The following RIPK2 variants were observed in gnomAD, a reference collection of about 807,000 sequenced individuals.
RIPK2 encodes receptor interacting serine/threonine kinase 2.
A neutral mutation model predicts 60.9 loss-of-function variants in RIPK2; 38 were observed. The ratio of observed to expected loss-of-function variants is 0.62; its 90% CI spans 0.48 to 0.82. The LOEUF is 0.82. RIPK2 is among the 40% of genes least tolerant of loss of function. RIPK2 has a pLI of 0.00. For missense variants in RIPK2, 518 were observed against 647.0 expected (o/e 0.80, Z 2.16); for synonymous variants, 225 against 223.4 (o/e 1.01, Z -0.06).
chr8:89,777,580 AGT>A (rs35518918), intron 6 of RIPK2, among the ~76,000 whole-genome samples: 1 of 151,214 alleles, frequency 6.6e-6, no homozygotes, highest in African/African-American at 2.4e-5. Flanking sequence ...GTACAGTGTG[AGT>A]GTGTGTGTGT....
chr8:89,784,710 A>G (rs1222902974), intron 8 of RIPK2, among the ~76,000 whole-genome samples: 1 of 152,234 alleles, frequency 6.6e-6, no homozygotes, highest in Non-Finnish European at 1.5e-5. Context: ...CCACAAGTGG[A>G]AAATTCCACA....
Position 89,757,943 on chromosome 8 carries a change from A to G in RIPK2, c.-118A>G. 1 of 1,407,330 alleles carries G rather than the reference A, an allele frequency of 7.1e-7. No homozygotes were observed. Among genetic ancestry groups the G allele is most frequent in the East Asian group, 2.7e-5 (1 of 36,632 alleles). The allele number at this position is 1,407,330 out of a possible 1,614,324, so 87.2% of individuals were successfully genotyped here. A position where few individuals can be genotyped will look rare whatever the true frequency, so the allele number is the denominator to read the frequency against. ...CGTGACCTAGTGTTGCGGGGCAAAA[A>G]GGGTCTTGCCGGCCTCGCTCGTGCA... is the stretch of plus-strand genomic sequence containing the variant. On this transcript the variant is annotated 5_prime_UTR_variant, in exon 1 of 11. Transcript: ENST00000220751.
At chr8:89,758,839 T>C (rs1048797639) in intron 1 of RIPK2, among the ~76,000 whole-genome samples, 10 of 152,228 alleles carry the variant, frequency 6.6e-5, no homozygotes, top group Non-Finnish European at 1.5e-4. Flanking sequence ...ATTTTTGATA[T>C]CTTGGGTTAA....
In RIPK2 at chr8:89,789,606, TA is replaced by T. The variant is rs1809642622; in HGVS notation, c.1285+126del. ...TCAATATGATAAATACATACCTTCT[TA>T]AGTAGGAAAACAAATCCCAGGAGAT... On this transcript the variant is annotated intron_variant, in intron 10 of 10. Coordinates refer to ENST00000220751, the MANE Select transcript of RIPK2 (RefSeq NM_003821.6). 10 of 883,946 alleles carry T rather than the reference TA, an allele frequency of 1.1e-5. No individual in the cohort carries two copies. The South Asian group carries it at 1.9e-4, about 17-fold the overall frequency. The allele number at this position is 883,946 out of a possible 1,614,324, so 54.8% of individuals were successfully genotyped here. A position where few individuals can be genotyped will look rare whatever the true frequency, so the allele number is the denominator to read the frequency against.
intron 3 of RIPK2, 97 bp from the exon 4 acceptor site, chr8:89,769,675 G>T: frequency 1.4e-6 from 1 of 736,536 alleles, no homozygotes; most frequent in Non-Finnish European, 2.1e-6. Context: ...ATTTTCTCTG[G>T]TTTGATATCT....
chr8:89,783,153 G>A (rs532592343), intron 7 of RIPK2, among the ~76,000 whole-genome samples: 1 of 152,298 alleles, frequency 6.6e-6, no homozygotes, highest in South Asian at 2.1e-4. Flanking sequence ...ATGGATGGCT[G>A]GGTGTGAATT....
Position 89,784,081 on chromosome 8 carries a change from G to A in RIPK2, c.971G>A (p.Cys324Tyr). Residue 324 changes from cysteine to tyrosine, a missense_variant, in exon 8 of 11, where the codon TGT becomes TAT. Cys to Tyr is a radical substitution (Grantham distance 194, BLOSUM62 -2). Around this residue, in one of 3 missense-constraint regions of RIPK2, gnomAD observed 448 missense variants for 534.7 expected, o/e 0.84. Coordinates refer to ENST00000220751, the MANE Select transcript of RIPK2 (RefSeq NM_003821.6). Reference protein sequence around the residue: ...LQSVSSAIHLCDKKKMELSLN... With the variant: ...LQSVSSAIHLYDKKKMELSLN... ...AGTGTTTCAAGTGCCATTCACCTAT[G>A]TGACAAGAAGAAAATGGAATTATCT... The A allele has an allele frequency of 6.5e-7, 1 of 1,535,252 alleles. No individual in the cohort carries two copies. The highest frequency in any genetic ancestry group is 8.8e-7 in the Non-Finnish European group (1 of 1,137,208).
chr8:89,786,368 G>A (rs1809587009), intron 8 of RIPK2, among the ~76,000 whole-genome samples: 1 of 151,926 alleles, frequency 6.6e-6, no homozygotes, highest in Non-Finnish European at 1.5e-5. Flanking sequence ...CAGCTATTAA[G>A]GAGGCTGAGA....
rs1046291160 is a variant in RIPK2 at position 89,781,467 on chromosome 8, A to C, written c.939+1307A>C. 6.6e-5 allele frequency among the ~76,000 whole-genome samples: 10 copies of C among 151,890 alleles called. No homozygotes were observed. The South Asian group carries it at 2.1e-3, about 32-fold the overall frequency. On this transcript the variant is annotated intron_variant, in intron 7 of 10. Transcript: ENST00000220751. ...CTGCAACCTCGAAGTGCTGGGCTCA[A>C]GCAGTCCTCCCACCTCAGCATCTCC... is the stretch of plus-strand genomic sequence containing the variant.
chr8:89,784,013 C>A, intron 7 of RIPK2, 37 bp from the exon 8 acceptor site: 1 of 1,079,932 alleles, frequency 9.3e-7, no homozygotes. Context: ...TAATCATCTC[C>A]AGTTAAAGTG....
chr8:89,776,176 A>G (rs1217464841), intron 6 of RIPK2, among the ~76,000 whole-genome samples: 1 of 152,174 alleles, frequency 6.6e-6, no homozygotes, highest in Non-Finnish European at 1.5e-5. Context: ...GTTTTTCTCC[A>G]AGTTTAATAA....
rs903589548 is a variant in RIPK2 at position 89,757,919 on chromosome 8, G to A, written c.-142G>A. 3 of 1,389,974 alleles carry A rather than the reference G, an allele frequency of 2.2e-6. No homozygotes were observed. The African/African-American group carries it at 4.5e-5, about 21-fold the overall frequency. The allele number at this position is 1,389,974 out of a possible 1,614,324, so 86.1% of individuals were successfully genotyped here. A position where few individuals can be genotyped will look rare whatever the true frequency, so the allele number is the denominator to read the frequency against. Reference sequence around the variant, plus strand: ...GGCCATCCGGGGAATGGGCGCCCTCGTGACCTAGTGTTGCGGGGCAAAAAG... The same window carrying A: ...GGCCATCCGGGGAATGGGCGCCCTCATGACCTAGTGTTGCGGGGCAAAAAG... On this transcript the variant is annotated 5_prime_UTR_variant, in exon 1 of 11. In the 5' UTR this introduces an upstream ATG that the reference lacks. Coordinates refer to ENST00000220751, the MANE Select transcript of RIPK2 (RefSeq NM_003821.6).
chr8:89,789,520 A>G (rs745574767), intron 10 of RIPK2, 38 bp downstream of exon 10: 3 of 1,576,710 alleles, frequency 1.9e-6, no homozygotes, highest in Non-Finnish European at 2.6e-6. Flanking sequence ...AAGTGATGCC[A>G]TTGACCTTAC....
chr8:89,776,051 C>T (rs1238206933), intron 6 of RIPK2, among the ~76,000 whole-genome samples: 2 of 152,140 alleles, frequency 1.3e-5, no homozygotes, highest in African/African-American at 4.8e-5. Flanking sequence ...TTTACCAGCC[C>T]ACCACAGGCC....
At chr8:89,779,383 T>C (rs2735882) in intron 6 of RIPK2, among the ~76,000 whole-genome samples, 95,815 of 146,488 alleles carry the variant, frequency 0.65, 33,103 homozygotes, top group African/African-American at 0.89. Context: ...GGCACAATCT[T>C]GGCTCACTGC....
At chr8:89,789,532 T>C (rs1809641950) in intron 10 of RIPK2, 50 bp downstream of exon 10, 1 of 1,529,084 alleles carries the variant, frequency 6.5e-7, no homozygotes, top group Non-Finnish European at 9.0e-7. Flanking sequence ...TGACCTTACA[T>C]ATCTGTGTTC....
At chr8:89,761,997 C>T (rs997766234) in intron 1 of RIPK2, among the ~76,000 whole-genome samples, 2 of 151,666 alleles carry the variant, frequency 1.3e-5, no homozygotes, top group African/African-American at 4.9e-5. Context: ...GAGTTTGAGG[C>T]CACCCTGAAT....
At chr8:89,783,537 C>T (rs1265499593) in intron 7 of RIPK2, among the ~76,000 whole-genome samples, 1 of 152,164 alleles carries the variant, frequency 6.6e-6, no homozygotes, top group East Asian at 1.9e-4. Flanking sequence ...TGATTGGCTC[C>T]ATGGCCCTGC....
chr8:89,790,479 C>CT lies in RIPK2; in HGVS notation c.*70dup, dbSNP rs1311327293. The CT allele has an allele frequency of 4.9e-6, 6 of 1,214,278 alleles. No individual in the cohort carries two copies. Among genetic ancestry groups the CT allele is most frequent in the African/African-American group, 1.5e-5 (1 of 65,096 alleles). The allele number at this position is 1,214,278 out of a possible 1,614,324, so 75.2% of individuals were successfully genotyped here. ...GATATTTATATCTCTGTTGCTTTGA[C>CT]TTTTTTTATATAAAATCCGTGAGTA... On this transcript the variant is annotated 3_prime_UTR_variant, in exon 11 of 11. Transcript: ENST00000220751.
Sources: allele counts gnomAD v4.1 joint callset (sites outside exome capture counted in the v4.1 genomes callset), GRCh38; gene constraint gnomAD v4.1.1; regional missense constraint gnomAD v4.1.1; transcripts MANE v1.5; gene names NCBI Gene and HGNC (gene_info 2026-07-23, HGNC 2026-07-21).